LRRTM4: variants seen among roughly 807,000 people sequenced by gnomAD.
LRRTM4 encodes the protein leucine rich repeat transmembrane neuronal 4.
In LRRTM4, 25 loss-of-function variants were observed where a neutral mutation model predicts 47.6. The ratio of observed to expected loss-of-function variants is 0.53; its 90% CI spans 0.38 to 0.73. LRRTM4 has a LOEUF of 0.73. Among genes scored for constraint, LRRTM4 ranks in the 30% least tolerant of loss-of-function variants. The probability of loss-of-function intolerance (pLI) is 0.00; values close to 1 mark genes in which losing one functional copy is unlikely to be tolerated. For missense variants in LRRTM4, 638 were observed against 713.4 expected (o/e 0.89, Z 1.20); for synonymous variants, 311 against 269.5 (o/e 1.15, Z -1.51).
chr2:76,799,899 T>C (rs1189718946), intron 3 of LRRTM4, among the ~76,000 whole-genome samples: 3 of 150,256 alleles, frequency 2.0e-5, no homozygotes, highest in Admixed American at 1.3e-4. Context: ...TTACAAGGGA[T>C]GAGAAGGACC....
At chr2:76,894,496 C>T (rs1271326283) in intron 3 of LRRTM4, among the ~76,000 whole-genome samples, 2 of 152,056 alleles carry the variant, frequency 1.3e-5, no homozygotes, top group African/African-American at 4.8e-5. Context: ...AACTTTCACA[C>T]TGTTAGGTGG....
intron 3 of LRRTM4, among the ~76,000 whole-genome samples, chr2:77,505,409 T>C (rs1387905975): frequency 6.6e-6 from 1 of 151,478 alleles, no homozygotes; most frequent in Non-Finnish European, 1.5e-5. Flanking sequence ...AGTTTAAAAA[T>C]AGCACAGAGT....
At chr2:76,952,719 A>T (rs1250757175) in intron 3 of LRRTM4, among the ~76,000 whole-genome samples, 4 of 151,918 alleles carry the variant, frequency 2.6e-5, no homozygotes, top group Non-Finnish European at 5.9e-5. Context: ...TAGATCATTC[A>T]GCAAAAAAGA....
chr2:77,446,103 A>G (rs940697826), intron 3 of LRRTM4, among the ~76,000 whole-genome samples: 1 of 152,108 alleles, frequency 6.6e-6, no homozygotes, highest in Non-Finnish European at 1.5e-5. Flanking sequence ...TATAATCTAT[A>G]TAGGTAGCAC....
chr2:77,004,607 CCACA>C (rs1409020693), intron 3 of LRRTM4, among the ~76,000 whole-genome samples: 1 of 152,120 alleles, frequency 6.6e-6, no homozygotes, highest in Non-Finnish European at 1.5e-5. Flanking sequence ...GTCGGAGCCC[CCACA>C]CAGAGTCCCC....
chr2:77,367,094 TCACC>T (rs1288316530), intron 3 of LRRTM4, among the ~76,000 whole-genome samples: 1 of 151,824 alleles, frequency 6.6e-6, no homozygotes, highest in Non-Finnish European at 1.5e-5. Context: ...ATGTCCTCCA[TCACC>T]ATTAGAGCCT....
chr2:77,171,732 TA>T (rs1673054474), intron 3 of LRRTM4, among the ~76,000 whole-genome samples: 1 of 152,018 alleles, frequency 6.6e-6, no homozygotes, highest in Non-Finnish European at 1.5e-5. Flanking sequence ...GATAATTGTC[TA>T]AGTTAGTATT....
At chr2:77,052,520 A>G (rs1215517770) in intron 3 of LRRTM4, among the ~76,000 whole-genome samples, 1 of 151,988 alleles carries the variant, frequency 6.6e-6, no homozygotes. Context: ...AGTGACCATT[A>G]AGGGCCATGT....
At chr2:77,392,632 T>C (rs1299429929) in intron 3 of LRRTM4, among the ~76,000 whole-genome samples, 4 of 151,886 alleles carry the variant, frequency 2.6e-5, no homozygotes, top group Admixed American at 2.6e-4. Context: ...GAAAAACAAA[T>C]ACCACATGAT....
chr2:76,792,904 G>A (rs767546830), intron 3 of LRRTM4, among the ~76,000 whole-genome samples: 9 of 152,104 alleles, frequency 5.9e-5, no homozygotes, highest in Admixed American at 6.6e-5. Context: ...GAAAACCATC[G>A]TTTCATATAT....
rs142768711 is a variant in LRRTM4, at chr2:76,760,780, G to A, written c.1552-11864C>T. ...AATGAGCAGTAAAAACTAACCATAG[G>A]CCTGGGATGTGTAAGGACAGGTCAT... On this transcript the variant is annotated intron_variant, in intron 3 of 3. Transcript: ENST00000409884. 4.1e-3 allele frequency among the ~76,000 whole-genome samples: 621 copies of A among 152,158 alleles called. 3 individuals carry two copies. Among genetic ancestry groups the A allele is most frequent in the African/African-American group, 0.014 (593 of 41,496 alleles).
At chr2:76,977,407 T>C (rs1334169022) in intron 3 of LRRTM4, among the ~76,000 whole-genome samples, 1 of 151,750 alleles carries the variant, frequency 6.6e-6, no homozygotes, top group Non-Finnish European at 1.5e-5. Flanking sequence ...TTTCATAGAG[T>C]ATACACAGCA....
At chr2:76,818,388 C>T (rs1241417936) in intron 3 of LRRTM4, among the ~76,000 whole-genome samples, 1 of 151,644 alleles carries the variant, frequency 6.6e-6, no homozygotes, top group African/African-American at 2.4e-5. Flanking sequence ...TAATAAAGTG[C>T]ATGAAAGCTA....
At chr2:77,124,717 C>T (rs1671609670) in intron 3 of LRRTM4, among the ~76,000 whole-genome samples, 1 of 152,112 alleles carries the variant, frequency 6.6e-6, no homozygotes, top group Non-Finnish European at 1.5e-5. Flanking sequence ...ATTCCTCTAG[C>T]CATCAGCATG....
chr2:77,097,921 GGA>G (rs1670855775), intron 3 of LRRTM4, among the ~76,000 whole-genome samples: 2 of 151,762 alleles, frequency 1.3e-5, no homozygotes, highest in Admixed American at 1.3e-4. Flanking sequence ...TACAAGCTCT[GGA>G]GAGAGTATTT....
At chr2:77,368,755 A>T (rs1407211592) in intron 3 of LRRTM4, among the ~76,000 whole-genome samples, 3 of 151,816 alleles carry the variant, frequency 2.0e-5, no homozygotes, top group Non-Finnish European at 4.4e-5. Flanking sequence ...AATAGAGATT[A>T]GGAAGATATC....
chr2:76,991,816 G>C (rs927717514), intron 3 of LRRTM4, among the ~76,000 whole-genome samples: 1 of 151,420 alleles, frequency 6.6e-6, no homozygotes. Flanking sequence ...AATAAAACCA[G>C]GCACAAACAC....
intron 3 of LRRTM4, among the ~76,000 whole-genome samples, chr2:76,853,322 C>T (rs1558693838): frequency 6.6e-6 from 1 of 152,084 alleles, no homozygotes; most frequent in Non-Finnish European, 1.5e-5. Flanking sequence ...GAAATGGGCT[C>T]TTGGTCCCTC....
At chr2:77,411,346 A>T (rs1192017048) in intron 3 of LRRTM4, among the ~76,000 whole-genome samples, 1 of 151,770 alleles carries the variant, frequency 6.6e-6, no homozygotes, top group Non-Finnish European at 1.5e-5. Flanking sequence ...TAGGCTAACC[A>T]AGTATTGGAT....
Sources: gnomAD v4.1 joint callset for allele counts (sites outside exome capture counted in the v4.1 genomes callset) on GRCh38, gnomAD v4.1.1 for gene constraint, MANE v1.5 for transcripts, NCBI Gene and HGNC (gene_info 2026-07-23, HGNC 2026-07-21) for gene names.